FOLH1: variants seen among roughly 807,000 people sequenced by gnomAD.
The protein encoded by FOLH1 is glutamate carboxypeptidase 2.
Under a neutral mutation model 93.9 loss-of-function variants are expected in FOLH1, and 54 were observed. The ratio of observed to expected loss-of-function variants is 0.57; its 90% CI spans 0.46 to 0.72. FOLH1 has a LOEUF of 0.72. FOLH1 is among the 30% of genes least tolerant of loss of function. The pLI, the probability that FOLH1 is intolerant of heterozygous loss-of-function variation, is 0.00. For missense variants in FOLH1, 571 were observed against 892.5 expected (o/e 0.64, Z 4.59); for synonymous variants, 249 against 303.6 (o/e 0.82, Z 1.87).
Position 49,208,440 on chromosome 11 carries a change from C to T in FOLH1, c.-31G>A, listed in dbSNP as rs1175551572. On this transcript the variant is annotated 5_prime_UTR_variant, in exon 1 of 19. Transcript: ENST00000256999. ...CGCGAGCAGAGCCGGCCTCCCGGGA[C>T]CCGCGCCTGTGCTGCTGCTCTACTG... is the stretch of plus-strand genomic sequence containing the variant. 6.6e-7 allele frequency: 1 copy of T among 1,513,086 alleles called. No homozygotes were observed. The allele number at this position is 1,513,086 out of a possible 1,614,324, so 93.7% of individuals were successfully genotyped here.
Position 49,206,055 on chromosome 11 carries a change from G to A in FOLH1, c.224+12C>T, listed in dbSNP as rs764209082. The stretch of plus-strand genomic sequence containing the variant: ...ACAACTTGTCCATATAAACTTTCGA[G>A]GATGTACTTACTATAAGAACTTCTT... On this transcript the variant is annotated intron_variant, in intron 2 of 18. Coordinates refer to ENST00000256999, the MANE Select transcript of FOLH1 (RefSeq NM_004476.3). 10 of 1,604,430 alleles carry A rather than the reference G, an allele frequency of 6.2e-6. No individual in the cohort carries two copies. In the East Asian group the frequency reaches 2.0e-4, roughly 32 times the overall value.
At chr11:49,179,616 G>A (rs556818319) in intron 7 of FOLH1, among the ~76,000 whole-genome samples, 4 of 152,174 alleles carry the variant, frequency 2.6e-5, no homozygotes, top group Admixed American at 2.6e-4. Context: ...AGTGCTTAAA[G>A]GAAAATACAT....
chr11:49,181,225 A>AGCTT (rs1314761436), intron 7 of FOLH1, among the ~76,000 whole-genome samples: 2 of 150,822 alleles, frequency 1.3e-5, no homozygotes, highest in Admixed American at 6.6e-5. Flanking sequence ...CTCCTGCCTC[A>AGCTT]GCCTCCTGAG....
intron 7 of FOLH1, among the ~76,000 whole-genome samples, chr11:49,177,218 C>T (rs1252214155): frequency 6.6e-6 from 1 of 152,208 alleles, no homozygotes; most frequent in Admixed American, 6.5e-5. Flanking sequence ...ATTCCTCTCT[C>T]TTTTCCCTTT....
At chr11:49,207,584 C>T (rs569499859) in intron 1 of FOLH1, among the ~76,000 whole-genome samples, 30 of 152,086 alleles carry the variant, frequency 2.0e-4, no homozygotes, top group African/African-American at 7.2e-4. Context: ...GGCGAAAATC[C>T]CAGTACTGTG....
intron 1 of FOLH1, chr11:49,206,463 A>G (rs1863972157): frequency 3.3e-6 from 2 of 614,480 alleles, no homozygotes; most frequent in South Asian, 3.6e-5. Context: ...CGAAAATAAA[A>G]TGACATTAAT....
intron 7 of FOLH1, among the ~76,000 whole-genome samples, chr11:49,177,100 A>G (rs960132159): frequency 2.0e-5 from 3 of 152,226 alleles, no homozygotes; most frequent in East Asian, 1.9e-4. Context: ...AACTTAACCT[A>G]GAATCTACTG....
At chr11:49,184,256 T>C (rs1345579868) in intron 6 of FOLH1, among the ~76,000 whole-genome samples, 2 of 152,304 alleles carry the variant, frequency 1.3e-5, no homozygotes, top group South Asian at 2.1e-4. Flanking sequence ...AACATGTTGA[T>C]GACTGTCTCT....
chr11:49,192,760 T>C (rs1347570663), intron 4 of FOLH1, 33 bp downstream of exon 4: 2 of 1,544,888 alleles, frequency 1.3e-6, no homozygotes, highest in Middle Eastern at 3.5e-4. Flanking sequence ...AGGCTTCTTT[T>C]TGTCATTTTT....
chr11:49,208,566 C>T lies in FOLH1; in HGVS notation c.-157G>A, dbSNP rs1041151036. 31 of 535,414 alleles carry T rather than the reference C, an allele frequency of 5.8e-5. No individual in the cohort carries two copies. Among genetic ancestry groups the T allele is most frequent in the South Asian group, 8.7e-5 (3 of 34,440 alleles). The allele number at this position is 535,414 out of a possible 1,614,324, so 33.2% of individuals were successfully genotyped here. ...TGGAATTCGCTCCAGACCTGGGGTCCAGTTTCTCCACCACAGCAGTGTTTC... is the reference window on the plus strand; with the variant it reads ...TGGAATTCGCTCCAGACCTGGGGTCTAGTTTCTCCACCACAGCAGTGTTTC... On this transcript the variant is annotated 5_prime_UTR_variant, in exon 1 of 19. Transcript: ENST00000256999.
At chr11:49,176,797 G>A (rs1860094785) in intron 7 of FOLH1, among the ~76,000 whole-genome samples, 2 of 138,886 alleles carry the variant, frequency 1.4e-5, no homozygotes, top group African/African-American at 2.9e-5. Flanking sequence ...GACTTCTTTG[G>A]GCCTACCACG....
At chr11:49,179,766 A>T (rs1484743950) in intron 7 of FOLH1, among the ~76,000 whole-genome samples, 2 of 152,234 alleles carry the variant, frequency 1.3e-5, no homozygotes, top group Admixed American at 6.5e-5. Flanking sequence ...TAATAAAATA[A>T]ATAGAGAAAA....
chr11:49,197,429 A>T (rs1862738424), intron 3 of FOLH1, among the ~76,000 whole-genome samples: 1 of 152,214 alleles, frequency 6.6e-6, no homozygotes, highest in Non-Finnish European at 1.5e-5. Context: ...TTCTGAGTAT[A>T]ACTAAAACAA....
chr11:49,166,645 A>T (rs1215958698), intron 12 of FOLH1, among the ~76,000 whole-genome samples: 1 of 152,218 alleles, frequency 6.6e-6, no homozygotes, highest in Non-Finnish European at 1.5e-5. Flanking sequence ...CTTTATTTGT[A>T]CATTTTACAT....
rs1855774561 is a variant in FOLH1 at position 49,146,285 on chromosome 11, T to C, written c.*471A>G. ...ATAGAGTGATAACATTTACTAAAAG[T>C]GTGATTTGATCCATTTCCCAAATAG... On this transcript the variant is annotated 3_prime_UTR_variant, in exon 19 of 19. Transcript: ENST00000256999. Among the ~76,000 whole-genome samples, 1 of 152,208 alleles carries C rather than the reference T, an allele frequency of 6.6e-6. No individual in the cohort carries two copies. Among genetic ancestry groups the C allele is most frequent in the African/African-American group, 2.4e-5 (1 of 41,470 alleles).
chr11:49,171,739 A>AGTTAGCAAC (rs1859330995), intron 10 of FOLH1, among the ~76,000 whole-genome samples: 1 of 152,106 alleles, frequency 6.6e-6, no homozygotes, highest in African/African-American at 2.4e-5. Flanking sequence ...TCTCTGCCAG[A>AGTTAGCAAC]ATTAATCAAC....
chr11:49,175,792 T>C (rs1859927365), intron 8 of FOLH1, 67 bp downstream of exon 8: 6 of 1,408,176 alleles, frequency 4.3e-6, no homozygotes, highest in South Asian at 1.3e-5. Flanking sequence ...TTTTCTGTCA[T>C]CCTCTATAGT....
intron 3 of FOLH1, among the ~76,000 whole-genome samples, chr11:49,195,393 G>A (rs1167940128): frequency 1.3e-5 from 2 of 152,124 alleles, no homozygotes; most frequent in African/African-American, 4.8e-5. Context: ...CCAAATTTGT[G>A]AGATGTAGTT....
intron 15 of FOLH1, among the ~76,000 whole-genome samples, chr11:49,156,506 A>G (rs977582707): frequency 6.6e-6 from 1 of 152,102 alleles, no homozygotes; most frequent in Non-Finnish European, 1.5e-5. Context: ...AGACATGAGT[A>G]TTGATACCAA....
Sources: allele counts gnomAD v4.1 joint callset (sites outside exome capture counted in the v4.1 genomes callset), GRCh38; gene constraint gnomAD v4.1.1; transcripts MANE v1.5; gene names NCBI Gene and HGNC (gene_info 2026-07-23, HGNC 2026-07-21).